Variants in MFHAS1 observed in about 807,000 individuals in gnomAD.
The protein encoded by MFHAS1 is malignant fibrous histiocytoma-amplified sequence 1.
A neutral mutation model predicts 70.4 loss-of-function variants in MFHAS1; 50 were observed. The observed-to-expected ratio is 0.71, with a 90% CI of 0.57 to 0.90. The LOEUF is 0.90. Ranked by LOEUF, MFHAS1 falls within the 40% of genes least tolerant of loss-of-function variation. MFHAS1 has a pLI of 0.00. For synonymous variants in MFHAS1, 952 were observed against 620.0 expected (o/e 1.54, Z -7.96); for missense variants, 1,795 against 1,347.6 (o/e 1.33, Z -5.20).
At chr8:8,882,281 G>A (rs1029216801) in intron 1 of MFHAS1, among the ~76,000 whole-genome samples, 2 of 151,896 alleles carry the variant, frequency 1.3e-5, no homozygotes, top group Non-Finnish European at 2.9e-5. Flanking sequence ...TCCCAGCTAC[G>A]TGGGAGGCTG....
At chr8:8,840,079 C>A (rs1807750650) in intron 1 of MFHAS1, among the ~76,000 whole-genome samples, 1 of 152,044 alleles carries the variant, frequency 6.6e-6, no homozygotes, top group Non-Finnish European at 1.5e-5. Flanking sequence ...AATTGTTATC[C>A]ATCAAAAGAC....
At position 8,893,153 on chromosome 8, in the gene MFHAS1, G is replaced by T; in HGVS notation, c.-95C>A. The T allele has an allele frequency of 1.3e-6, 1 of 797,226 alleles. No homozygotes were observed. The highest frequency in any genetic ancestry group is 1.7e-6 in the Non-Finnish European group (1 of 598,818). 49.4% of individuals were successfully genotyped at this position (797,226 alleles called of 1,614,324 possible). A position where few individuals can be genotyped will look rare whatever the true frequency, so the allele number is the denominator to read the frequency against. On this transcript the variant is annotated 5_prime_UTR_variant, in exon 1 of 3. Transcript: ENST00000276282. Reference sequence around the variant, plus strand: ...GGCCCTCCGGCTCCTGCCCCTGCCTGCCCTCCCGCGCTCGGCGGCCGGCGG... The same window carrying T: ...GGCCCTCCGGCTCCTGCCCCTGCCTTCCCTCCCGCGCTCGGCGGCCGGCGG...
At position 8,890,914 on chromosome 8, in the gene MFHAS1, G is replaced by T; in HGVS notation, c.2145C>A (p.Tyr715Ter). ...SYLHESGKLL[Y>*]FEDSPALKEH... The stretch of plus-strand genomic sequence containing the variant: ...CCTTGAGAGCCGGACTGTCCTCAAA[G>T]TAGAGTAGCTTGCCGCTCTCATGCA... The change falls in exon 1 of 3, where the codon TAC becomes TAA. Residue 715 changes from tyrosine (Y) to a stop codon, truncating the protein, a stop_gained. Transcript: ENST00000276282. LOFTEE classifies it high-confidence loss of function. 6.2e-7 allele frequency: 1 copy of T among 1,614,108 alleles called. No homozygotes were observed. The highest frequency in any genetic ancestry group is 8.5e-7 in the Non-Finnish European group (1 of 1,180,020).
At chr8:8,814,822 G>C (rs974166674) in intron 1 of MFHAS1, among the ~76,000 whole-genome samples, 1 of 151,202 alleles carries the variant, frequency 6.6e-6, no homozygotes, top group Non-Finnish European at 1.5e-5. Flanking sequence ...AACCACATGA[G>C]ATACTACTTC....
At chr8:8,804,772 G>A (rs896204796) in intron 1 of MFHAS1, among the ~76,000 whole-genome samples, 1 of 152,238 alleles carries the variant, frequency 6.6e-6, no homozygotes, top group Non-Finnish European at 1.5e-5. Context: ...AATAACGCCA[G>A]GGAAGCCGTG....
intron 1 of MFHAS1, among the ~76,000 whole-genome samples, chr8:8,889,154 G>C (rs543701304): frequency 2.6e-5 from 4 of 152,000 alleles, no homozygotes; most frequent in East Asian, 1.9e-4. Context: ...AAAACTCTTA[G>C]CTTTCTGTCC....
chr8:8,867,851 C>T (rs1808922847), intron 1 of MFHAS1, among the ~76,000 whole-genome samples: 1 of 152,144 alleles, frequency 6.6e-6, no homozygotes, highest in African/African-American at 2.4e-5. Context: ...GCCACCGTGC[C>T]TGGCCATAAA....
intron 1 of MFHAS1, among the ~76,000 whole-genome samples, chr8:8,883,992 G>A (rs984317839): frequency 2.0e-5 from 3 of 149,354 alleles, no homozygotes; most frequent in African/African-American, 7.5e-5. Flanking sequence ...GAGGCCAGGA[G>A]ATCAAGACCA....
intron 1 of MFHAS1, among the ~76,000 whole-genome samples, chr8:8,817,319 C>T (rs1309301294): frequency 6.6e-6 from 1 of 152,118 alleles, no homozygotes; most frequent in South Asian, 2.1e-4. Flanking sequence ...AAATTACCTC[C>T]AAGCTCTTTG....
intron 1 of MFHAS1, among the ~76,000 whole-genome samples, chr8:8,823,926 C>T (rs1807059466): frequency 7.6e-6 from 1 of 132,196 alleles, no homozygotes; most frequent in Admixed American, 9.1e-5. Context: ...GCCTGTTACG[C>T]AGTTCTCTAT....
chr8:8,871,252 G>A (rs773419195), intron 1 of MFHAS1, among the ~76,000 whole-genome samples: 21 of 152,068 alleles, frequency 1.4e-4, no homozygotes, highest in Non-Finnish European at 2.4e-4. Flanking sequence ...CTTATTATAT[G>A]GTAAAAACTA....
rs1810006367 is a variant in MFHAS1 at position 8,891,155 on chromosome 8, A to C, written c.1904T>G (p.Leu635Ter). 2 of 1,613,484 alleles carry C rather than the reference A, an allele frequency of 1.2e-6. No homozygotes were observed. Among genetic ancestry groups the C allele is most frequent in the African/African-American group, 2.7e-5 (2 of 74,944 alleles). Residue 635 changes from leucine (L) to a stop codon, truncating the protein, a stop_gained, in exon 1 of 3, where the codon TTA (leucine) becomes TGA (stop). Coordinates refer to ENST00000276282, the MANE Select transcript of MFHAS1 (RefSeq NM_004225.3). LOFTEE classifies it high-confidence loss of function. The surrounding 1 kb of genome is among the most constrained non-coding windows in gnomAD (Gnocchi z 5.4). ...LPVSCRDPRHLRRLRDKLLSV... is the reference protein window; with the variant it reads ...LPVSCRDPRH ...CAGCAACTTGTCCCGAAGGCGTCGT[A>C]AGTGGCGCGGGTCCCTGCAGCTAAC...
In MFHAS1 at chr8:8,890,081, G is replaced by T; in HGVS notation, c.2978C>A (p.Pro993His). The T allele has an allele frequency of 6.2e-7, 1 of 1,605,988 alleles. No homozygotes were observed. The highest frequency in any genetic ancestry group is 8.5e-7 in the Non-Finnish European group (1 of 1,174,488). Reference protein sequence around the residue: ...LCSKCLKRGSPNPHAFPGELL... With the variant: ...LCSKCLKRGSHNPHAFPGELL... ...CTTACCTGGAAAAGCATGTGGATTGGGCGATCCTCTCTTAAGGCACTTAGA... is the reference window on the plus strand; with the variant it reads ...CTTACCTGGAAAAGCATGTGGATTGTGCGATCCTCTCTTAAGGCACTTAGA... Residue 993 changes from proline (P) to histidine (H), a missense_variant, in exon 1 of 3, where the codon CCC becomes CAC. Physicochemically the swap from Pro to His is moderately conservative, Grantham distance 77. Coordinates refer to ENST00000276282, the MANE Select transcript of MFHAS1 (RefSeq NM_004225.3).
intron 1 of MFHAS1, among the ~76,000 whole-genome samples, chr8:8,825,881 T>C (rs1807139095): frequency 6.6e-6 from 1 of 152,162 alleles, no homozygotes; most frequent in African/African-American, 2.4e-5. Flanking sequence ...CTTCAGCTCC[T>C]GGAGATTGTG....
chr8:8,888,686 G>C (rs976933242), intron 1 of MFHAS1, among the ~76,000 whole-genome samples: 1 of 152,184 alleles, frequency 6.6e-6, no homozygotes, highest in African/African-American at 2.4e-5. Context: ...AAAAAGATCT[G>C]TGGTTGCCGG....
At chr8:8,848,822 A>C (rs408459) in intron 1 of MFHAS1, among the ~76,000 whole-genome samples, 81,105 of 152,008 alleles carry the variant, frequency 0.53, 22,702 homozygotes, top group East Asian at 0.84. Flanking sequence ...CACAGAACCA[A>C]TTTAATCAAA....
At chr8:8,802,653 G>T (rs1350650285) in intron 1 of MFHAS1, among the ~76,000 whole-genome samples, 1 of 152,202 alleles carries the variant, frequency 6.6e-6, no homozygotes, top group Non-Finnish European at 1.5e-5. Context: ...TCCTTGCATG[G>T]TGGAGAAGCT....
intron 1 of MFHAS1, chr8:8,859,882 G>A (rs1585056584): frequency 6.6e-6 from 1 of 152,168 alleles, no homozygotes; most frequent in African/African-American, 2.4e-5. Flanking sequence ...TTGTTCAAGG[G>A]TCAACTGTAT....
chr8:8,891,093 G>T lies in MFHAS1; in HGVS notation c.1966C>A (p.His656Asn), dbSNP rs139956353. ...AEHREIFPNL[H>N]RVLPRSWQVL... Reference sequence around the variant, plus strand: ...TGCCAGGATCGAGGCAGTACTCTGTGTAAGTTGGGGAAGATCTCTCGGTGC... The same window carrying T: ...TGCCAGGATCGAGGCAGTACTCTGTTTAAGTTGGGGAAGATCTCTCGGTGC... The change falls in exon 1 of 3, where the codon CAC (histidine) becomes AAC (asparagine). Residue 656 changes from histidine to asparagine, a missense_variant. By Grantham distance (68) the His-to-Asn change is moderately conservative. Transcript: ENST00000276282. The surrounding 1 kb of genome is among the most constrained non-coding windows in gnomAD (Gnocchi z 5.4). The T allele has an allele frequency of 2.5e-6, 4 of 1,613,822 alleles. No individual in the cohort carries two copies. Among genetic ancestry groups the T allele is most frequent in the East Asian group, 2.2e-5 (1 of 44,894 alleles).
Sources: gnomAD v4.1 joint callset for allele counts (sites outside exome capture counted in the v4.1 genomes callset) on GRCh38, gnomAD v4.1.1 for gene constraint, Gnocchi (gnomAD v3.1) non-coding constraint, MANE v1.5 for transcripts, NCBI Gene and HGNC (gene_info 2026-07-23, HGNC 2026-07-21) for gene names.